KHDRBS2: variants seen among roughly 807,000 people sequenced by gnomAD.
KHDRBS2 encodes the protein KH RNA binding domain containing, signal transduction associated 2, also known as KH domain-containing, RNA-binding, signal transduction-associated protein 2.
KHDRBS2 carries 26 observed loss-of-function variants against 44.3 expected under a neutral mutation model. The observed-to-expected ratio is 0.59, with a 90% CI of 0.43 to 0.81. The LOEUF is 0.81. Ranked by LOEUF, KHDRBS2 falls within the 40% of genes least tolerant of loss-of-function variation. The pLI is 0.00. For missense variants in KHDRBS2, 476 were observed against 433.1 expected, an observed-to-expected ratio of 1.10 and a Z score of -0.88; for synonymous variants, 194 against 151.1, an observed-to-expected ratio of 1.28 and a Z score of -2.08.
chr6:61,830,614 G>C (rs1219600370), intron 6 of KHDRBS2, among the ~76,000 whole-genome samples: 1 of 152,156 alleles, frequency 6.6e-6, no homozygotes, highest in African/African-American at 2.4e-5. Context: ...TTGACAACGA[G>C]GCTGGCAGTC....
intron 5 of KHDRBS2, among the ~76,000 whole-genome samples, chr6:61,895,617 G>T (rs1284303090): frequency 6.6e-6 from 1 of 152,208 alleles, no homozygotes; most frequent in Non-Finnish European, 1.5e-5. Context: ...AAGATCAAAT[G>T]GTTGTGGCCA....
At chr6:61,860,275 G>C (rs1387136640) in intron 6 of KHDRBS2, among the ~76,000 whole-genome samples, 1 of 151,784 alleles carries the variant, frequency 6.6e-6, no homozygotes, top group Non-Finnish European at 1.5e-5. Flanking sequence ...CTTTTTTTGT[G>C]TGTGTGTCAT....
At chr6:61,566,992 T>G in the KHDRBS2 span, among the ~76,000 whole-genome samples, 1 of 152,194 alleles carries the variant, frequency 6.6e-6, no homozygotes, top group Non-Finnish European at 1.5e-5. Context: ...GATTTTTAAA[T>G]GCTGGAATGA....
chr6:62,012,467 T>A (rs934669489), intron 3 of KHDRBS2, among the ~76,000 whole-genome samples: 4 of 152,170 alleles, frequency 2.6e-5, no homozygotes, highest in African/African-American at 9.7e-5. Context: ...TCACTTCAAG[T>A]CCTTTCTATT....
the KHDRBS2 span, among the ~76,000 whole-genome samples, chr6:61,585,391 G>C: frequency 1.3e-5 from 2 of 151,974 alleles, no homozygotes; most frequent in African/African-American, 4.8e-5. Context: ...CAGTGGTACT[G>C]ACTACTGTCT....
At chr6:62,105,531 T>C (rs1177101403) in intron 2 of KHDRBS2, among the ~76,000 whole-genome samples, 1 of 152,174 alleles carries the variant, frequency 6.6e-6, no homozygotes, top group East Asian at 1.9e-4. Flanking sequence ...GAGGAATTTA[T>C]CCATTTCTTC....
the KHDRBS2 span, among the ~76,000 whole-genome samples, chr6:61,628,243 A>C: frequency 1.3e-3 from 5 of 3,946 alleles, 1 homozygote; most frequent in Non-Finnish European, 2.1e-3. Flanking sequence ...TTTTTTTTTC[A>C]ACCTGGGCTG....
chr6:62,069,240 A>G (rs567174613), intron 2 of KHDRBS2, among the ~76,000 whole-genome samples: 25 of 151,786 alleles, frequency 1.6e-4, no homozygotes, highest in Non-Finnish European at 3.7e-4. Flanking sequence ...TTTGTATATC[A>G]TATGTGTTAT....
chr6:61,940,473 G>A (rs1288134580), intron 4 of KHDRBS2, among the ~76,000 whole-genome samples: 1 of 152,108 alleles, frequency 6.6e-6, no homozygotes, highest in Non-Finnish European at 1.5e-5. Flanking sequence ...AACTGCTCCA[G>A]GGAGTGGAGG....
At chr6:61,603,561 A>G in the KHDRBS2 span, among the ~76,000 whole-genome samples, 1 of 152,068 alleles carries the variant, frequency 6.6e-6, no homozygotes, top group Non-Finnish European at 1.5e-5. Context: ...AAACAACTTG[A>G]CCTTAATGTT....
intron 2 of KHDRBS2, among the ~76,000 whole-genome samples, chr6:62,062,898 A>G (rs375806633): frequency 1.3e-5 from 2 of 149,306 alleles, no homozygotes; most frequent in Non-Finnish European, 3.0e-5. Flanking sequence ...TAATAAAGAA[A>G]AAAAGAGAGA....
At chr6:62,183,012 G>T (rs184365238) in intron 1 of KHDRBS2, among the ~76,000 whole-genome samples, 206 of 151,800 alleles carry the variant, frequency 1.4e-3, no homozygotes, top group Middle Eastern at 3.4e-3. Context: ...TCCTGAACTA[G>T]CTACACTAAA....
intron 2 of KHDRBS2, among the ~76,000 whole-genome samples, chr6:62,085,481 G>C (rs1339689920): frequency 6.6e-6 from 1 of 151,970 alleles, no homozygotes; most frequent in Non-Finnish European, 1.5e-5. Context: ...AGAAAAAAAA[G>C]GAAAAGGCAA....
intron 2 of KHDRBS2, among the ~76,000 whole-genome samples, chr6:62,150,553 T>A (rs796760258): frequency 6.6e-6 from 1 of 152,204 alleles, no homozygotes; most frequent in African/African-American, 2.4e-5. Context: ...TTTCAGGGCA[T>A]AAATACCAAA....
chr6:62,210,484 C>T (rs1050118649), intron 1 of KHDRBS2, among the ~76,000 whole-genome samples: 5 of 151,998 alleles, frequency 3.3e-5, no homozygotes, highest in Admixed American at 1.3e-4. Flanking sequence ...GCACACACCA[C>T]CACACCCGGC....
intron 4 of KHDRBS2, among the ~76,000 whole-genome samples, chr6:61,963,949 C>T (rs1296824113): frequency 6.6e-6 from 1 of 151,996 alleles, no homozygotes; most frequent in African/African-American, 2.4e-5. Flanking sequence ...TTTTCCATAA[C>T]AAAAAGACAA....
chr6:62,183,495 G>A (rs373420821), intron 1 of KHDRBS2, among the ~76,000 whole-genome samples: 1 of 151,364 alleles, frequency 6.6e-6, no homozygotes, highest in African/African-American at 2.4e-5. Context: ...GAATTACATG[G>A]TCTTCCAGAT....
At chr6:61,880,364 A>C (rs377426024) in intron 6 of KHDRBS2, among the ~76,000 whole-genome samples, 15 of 151,920 alleles carry the variant, frequency 9.9e-5, no homozygotes, top group Admixed American at 3.3e-4. Context: ...TCTGGAAGGG[A>C]GAGGATTTGG....
intron 2 of KHDRBS2, among the ~76,000 whole-genome samples, chr6:62,121,400 A>G (rs1047462595): frequency 2.6e-5 from 4 of 152,234 alleles, no homozygotes; most frequent in African/African-American, 9.6e-5. Context: ...TGTCCTGTTC[A>G]TAAGACAGAT....
Sources: gnomAD v4.1 joint callset for allele counts (sites outside exome capture counted in the v4.1 genomes callset) on GRCh38, gnomAD v4.1.1 for gene constraint, MANE v1.5 for transcripts, NCBI Gene and HGNC (gene_info 2026-07-23, HGNC 2026-07-21) for gene names.